The following CAMSAP2 variants were observed in gnomAD, a reference collection of about 807,000 sequenced individuals.
CAMSAP2 encodes calmodulin regulated spectrin associated protein family member 2.
Under a neutral mutation model 146.1 loss-of-function variants are expected in CAMSAP2, and 26 were observed. The ratio of observed to expected loss-of-function variants is 0.18; its 90% CI spans 0.13 to 0.25. The LOEUF (loss-of-function observed/expected upper bound fraction) is 0.25. CAMSAP2 is among the 10% of genes least tolerant of loss of function. The pLI, the probability that CAMSAP2 is intolerant of heterozygous loss-of-function variation, is 1.00. For synonymous variants in CAMSAP2, 499 were observed against 596.6 expected, an observed-to-expected ratio of 0.84 and a Z score of 2.38; for missense variants, 1,381 against 1,759.3, an observed-to-expected ratio of 0.78 and a Z score of 3.85.
In CAMSAP2 at chr1:200,739,723, C is replaced by T. The variant is rs1021211023; in HGVS notation, c.-105C>T. On this transcript the variant is annotated 5_prime_UTR_variant, in exon 1 of 17. Coordinates refer to ENST00000358823, the MANE Select transcript of CAMSAP2 (RefSeq NM_203459.4). The surrounding 1 kb of genome is among the most constrained non-coding windows in gnomAD (Gnocchi z 4.8). The stretch of plus-strand genomic sequence containing the variant: ...GCGCCCGGGCGGACATCGCCCGGGC[C>T]CCGATGGTTTGAGCTTGCTTCTCCC... 212 of 1,193,756 alleles carry T rather than the reference C, an allele frequency of 1.8e-4. 1 individual carries two copies. The Middle Eastern group carries it at 3.6e-3, about 20-fold the overall frequency. The allele number at this position is 1,193,756 out of a possible 1,614,324, so 73.9% of individuals were successfully genotyped here. A position where few individuals can be genotyped will look rare whatever the true frequency, so the allele number is the denominator to read the frequency against.
intron 4 of CAMSAP2, among the ~76,000 whole-genome samples, chr1:200,823,108 T>A (rs774030776): frequency 6.6e-6 from 1 of 152,228 alleles, no homozygotes; most frequent in Non-Finnish European, 1.5e-5. Flanking sequence ...TTAATTTTAC[T>A]ATGATAGTCA....
Position 200,832,898 on chromosome 1 carries a change from A to T in CAMSAP2, c.927+53A>T, listed in dbSNP as rs1434167172. On this transcript the variant is annotated intron_variant, in intron 6 of 16. Transcript: ENST00000358823. This position sits in a 1 kb window ranked among gnomAD's most constrained non-coding sequence, Gnocchi z 4.2. Reference sequence around the variant, plus strand: ...TTGCTTTGTTAAAATATGTTTTTTTAAAAAACAAACAAAAACACCGGGAAC... The same window carrying T: ...TTGCTTTGTTAAAATATGTTTTTTTTAAAAACAAACAAAAACACCGGGAAC... 3.4e-6 allele frequency: 5 copies of T among 1,486,612 alleles called. No homozygotes were observed. The highest frequency in any genetic ancestry group is 2.7e-5 in the South Asian group (2 of 75,208). The allele number at this position is 1,486,612 out of a possible 1,614,324, so 92.1% of individuals were successfully genotyped here.
chr1:200,799,824 C>T (rs1665989257), intron 2 of CAMSAP2, among the ~76,000 whole-genome samples: 1 of 152,132 alleles, frequency 6.6e-6, no homozygotes, highest in Non-Finnish European at 1.5e-5. Context: ...CTATAAATTT[C>T]ACTCTAAACA....
chr1:200,821,760 C>T (rs373043924), intron 4 of CAMSAP2, among the ~76,000 whole-genome samples: 1 of 152,128 alleles, frequency 6.6e-6, no homozygotes, highest in Non-Finnish European at 1.5e-5. Context: ...CGTCCCTGTT[C>T]TATTATTAAC....
At chr1:200,784,436 ATTC>A (rs2103025092) in intron 2 of CAMSAP2, among the ~76,000 whole-genome samples, 1 of 152,214 alleles carries the variant, frequency 6.6e-6, no homozygotes, top group East Asian at 1.9e-4. Context: ...TCATTTAAGT[ATTC>A]TTTAATTTAT....
At chr1:200,767,503 T>C (rs1159603219) in intron 2 of CAMSAP2, among the ~76,000 whole-genome samples, 2 of 150,902 alleles carry the variant, frequency 1.3e-5, no homozygotes, top group Admixed American at 1.3e-4. Context: ...TTTAAACATA[T>C]TGGTCTTATT....
At chr1:200,771,437 A>T (rs1665114687) in intron 2 of CAMSAP2, among the ~76,000 whole-genome samples, 1 of 152,210 alleles carries the variant, frequency 6.6e-6, no homozygotes, top group Admixed American at 6.5e-5. Context: ...ATTAAAAATT[A>T]TCTCGTTCTT....
intron 2 of CAMSAP2, among the ~76,000 whole-genome samples, chr1:200,779,040 A>T (rs1306983639): frequency 1.3e-5 from 2 of 152,186 alleles, no homozygotes; most frequent in East Asian, 3.9e-4. Flanking sequence ...CAGAGTCATG[A>T]GGTAGAGTTA....
At chr1:200,829,936 T>TAAC (rs1439980720) in intron 4 of CAMSAP2, among the ~76,000 whole-genome samples, 1 of 150,890 alleles carries the variant, frequency 6.6e-6, no homozygotes, top group Non-Finnish European at 1.5e-5. Flanking sequence ...CCAAAAAAAA[T>TAAC]AATAATAATA....
chr1:200,788,751 C>T (rs999444005), intron 2 of CAMSAP2, among the ~76,000 whole-genome samples: 1 of 151,524 alleles, frequency 6.6e-6, no homozygotes, highest in African/African-American at 2.4e-5. Flanking sequence ...AAGCAATTCT[C>T]CTGCCTCAGC....
chr1:200,825,668 G>A (rs1558196209), intron 4 of CAMSAP2, among the ~76,000 whole-genome samples: 1 of 151,970 alleles, frequency 6.6e-6, no homozygotes, highest in African/African-American at 2.4e-5. Context: ...CACCACACCT[G>A]GCTAATCTTT....
At chr1:200,847,417 G>T (rs976895034) in intron 9 of CAMSAP2, 125 bp downstream of exon 9, 30 of 724,268 alleles carry the variant, frequency 4.1e-5, no homozygotes, top group African/African-American at 9.0e-5. Context: ...GTGTTTTTTT[G>T]TTTGTTTGTT....
In CAMSAP2 at chr1:200,816,856, GCGTGTGTATGTGTGTACACACACA is replaced by G. The variant is rs1666541664; in HGVS notation, c.645+1215_645+1238del. Among the ~76,000 whole-genome samples, 3 of 79,094 alleles carry G rather than the reference GCGTGTGTATGTGTGTACACACACA, an allele frequency of 3.8e-5. 1 individual carries two copies. Among genetic ancestry groups the G allele is most frequent in the South Asian group, 9.3e-4 (2 of 2,140 alleles). 51.9% of individuals were successfully genotyped at this position (79,094 alleles called of 152,430 possible). A position where few individuals can be genotyped will look rare whatever the true frequency, so the allele number is the denominator to read the frequency against. On this transcript the variant is annotated intron_variant, in intron 4 of 16. Coordinates refer to ENST00000358823, the MANE Select transcript of CAMSAP2 (RefSeq NM_203459.4). Reference sequence around the variant, plus strand: ...CGTGTGTATGTGTGTACACACACACGCGTGTGTATGTGTGTACACACACACGCGTGTGTATGTGTGTACACACAC... The same window carrying G: ...CGTGTGTATGTGTGTACACACACACGCGCGTGTGTATGTGTGTACACACAC...
Position 200,844,789 on chromosome 1 carries a change from T to G in CAMSAP2, c.1029T>G (p.Pro343=). 1 of 1,578,482 alleles carries G rather than the reference T, an allele frequency of 6.3e-7. No homozygotes were observed. Among genetic ancestry groups the G allele is most frequent in the Non-Finnish European group, 8.6e-7 (1 of 1,164,280 alleles). ...PRVVRPQGAE[P]VKDMPSIPVL... ...AAAAATCTTTTATTCCAGCTGAACC[T>G]GTAAAAGATATGCCTTCAATTCCTG... The change falls in exon 8 of 17, where the codon CCT becomes CCG. Residue 343 remains proline, a synonymous_variant. Coordinates refer to ENST00000358823, the MANE Select transcript of CAMSAP2 (RefSeq NM_203459.4).
intron 2 of CAMSAP2, among the ~76,000 whole-genome samples, chr1:200,807,105 A>G (rs777169225): frequency 1.3e-5 from 2 of 152,200 alleles, no homozygotes; most frequent in Non-Finnish European, 1.5e-5. Flanking sequence ...CCATGACATT[A>G]TAAAAAATAG....
At chr1:200,817,094 A>G (rs548415063) in intron 4 of CAMSAP2, among the ~76,000 whole-genome samples, 21 of 145,126 alleles carry the variant, frequency 1.4e-4, no homozygotes, top group African/African-American at 5.0e-4. Flanking sequence ...ACACACGTAT[A>G]TATGTATACA....
At chr1:200,805,032 A>T (rs1296851893) in intron 2 of CAMSAP2, among the ~76,000 whole-genome samples, 1 of 152,184 alleles carries the variant, frequency 6.6e-6, no homozygotes, top group Non-Finnish European at 1.5e-5. Flanking sequence ...ACTTTTGAGG[A>T]TTATAGAAAG....
chr1:200,852,249 T>C (rs1667638706), intron 11 of CAMSAP2, among the ~76,000 whole-genome samples: 1 of 152,224 alleles, frequency 6.6e-6, no homozygotes, highest in African/African-American at 2.4e-5. Flanking sequence ...TAAATTAGGG[T>C]TAAAAAAAAT....
At chr1:200,748,809 A>G (rs1664417914) in intron 1 of CAMSAP2, among the ~76,000 whole-genome samples, 1 of 151,922 alleles carries the variant, frequency 6.6e-6, no homozygotes, top group African/African-American at 2.4e-5. Context: ...TTCTACCACA[A>G]GATACTTAAT....
Sources: gnomAD v4.1 joint callset for allele counts (sites outside exome capture counted in the v4.1 genomes callset) on GRCh38, gnomAD v4.1.1 for gene constraint, Gnocchi (gnomAD v3.1) non-coding constraint, MANE v1.5 for transcripts, NCBI Gene and HGNC (gene_info 2026-07-23, HGNC 2026-07-21) for gene names.